The following SLC35F3 variants were observed in gnomAD, a reference collection of about 807,000 sequenced individuals.
SLC35F3 encodes putative thiamine transporter SLC35F3.
A neutral mutation model predicts 49.9 loss-of-function variants in SLC35F3; 25 were observed. That is an observed-to-expected ratio of 0.50 (90% CI 0.37 to 0.70). SLC35F3 has a LOEUF of 0.70. Ranked by LOEUF, SLC35F3 falls within the 30% of genes least tolerant of loss-of-function variation. The pLI is 0.00. For missense variants in SLC35F3, 525 were observed against 639.8 expected (o/e 0.82, Z 1.94); for synonymous variants, 275 against 265.4 (o/e 1.04, Z -0.35).
At chr1:234,024,077 C>T (rs750160413) in intron 2 of SLC35F3, among the ~76,000 whole-genome samples, 17 of 152,130 alleles carry the variant, frequency 1.1e-4, no homozygotes, top group Non-Finnish European at 2.4e-4. Context: ...AATTGATTCA[C>T]CACTTGTGAC....
intron 2 of SLC35F3, among the ~76,000 whole-genome samples, chr1:233,968,786 A>G (rs940877382): frequency 3.9e-5 from 6 of 152,084 alleles, no homozygotes; most frequent in African/African-American, 1.2e-4. Context: ...CACCCAGCCA[A>G]TAGGTAGTTT....
At position 234,009,754 on chromosome 1, in the gene SLC35F3, A is replaced by G. The variant is rs532907093; in HGVS notation, c.283+103996A>G. Among the ~76,000 whole-genome samples, 8 of 152,304 alleles carry G rather than the reference A, an allele frequency of 5.3e-5. No individual in the cohort carries two copies. The South Asian group carries it at 1.7e-3, about 32-fold the overall frequency. On this transcript the variant is annotated intron_variant, in intron 2 of 7. Transcript: ENST00000366618. ...AAAAACTGTGATGCTTTAAAAAAAAATCAGTCTTTATCACCTACAAGTGAA... is the reference window on the plus strand; with the variant it reads ...AAAAACTGTGATGCTTTAAAAAAAAGTCAGTCTTTATCACCTACAAGTGAA...
At chr1:234,188,397 C>A (rs578115430) in intron 2 of SLC35F3, among the ~76,000 whole-genome samples, 1 of 152,072 alleles carries the variant, frequency 6.6e-6, no homozygotes, top group African/African-American at 2.4e-5. Flanking sequence ...TTGGGTTGTG[C>A]GGGAGCTGGA....
intron 2 of SLC35F3, among the ~76,000 whole-genome samples, chr1:234,084,218 T>C (rs6670035): frequency 0.026 from 2,929 of 112,700 alleles, 71 homozygotes; most frequent in African/African-American, 0.086. Flanking sequence ...TGATAAGGAA[T>C]AGACACACAC....
intron 2 of SLC35F3, among the ~76,000 whole-genome samples, chr1:233,988,233 T>G (rs957636141): frequency 1.3e-5 from 2 of 152,200 alleles, no homozygotes; most frequent in Non-Finnish European, 2.9e-5. Context: ...ACTGGAAATC[T>G]TTTCTCTTGT....
chr1:234,201,760 C>T (rs917930399), intron 2 of SLC35F3, among the ~76,000 whole-genome samples: 8 of 151,968 alleles, frequency 5.3e-5, no homozygotes, highest in African/African-American at 1.7e-4. Context: ...TTTCTGCTGA[C>T]GATGTTTTTG....
chr1:234,298,841 T>C (rs1668647064), intron 3 of SLC35F3, among the ~76,000 whole-genome samples: 1 of 152,114 alleles, frequency 6.6e-6, no homozygotes, highest in Non-Finnish European at 1.5e-5. Context: ...TTGGAGAAAA[T>C]ACTTTTAAAA....
chr1:234,006,487 A>G (rs1663633047), intron 2 of SLC35F3, among the ~76,000 whole-genome samples: 1 of 152,280 alleles, frequency 6.6e-6, no homozygotes, highest in Admixed American at 6.5e-5. Flanking sequence ...AAAAATTCAT[A>G]AACACCCAAT....
chr1:234,243,248 G>A (rs944278939), intron 3 of SLC35F3, among the ~76,000 whole-genome samples: 7 of 152,052 alleles, frequency 4.6e-5, no homozygotes, highest in African/African-American at 1.2e-4. Flanking sequence ...CCAGCTACTC[G>A]GGAGGTTGAG....
chr1:234,068,823 T>TTTTA lies in SLC35F3; in HGVS notation c.284-162593_284-162592insTTAT, dbSNP rs1553302354. The stretch of plus-strand genomic sequence containing the variant: ...GAGTGACAGGATAAGATTTGAGACA[T>TTTTA]TATATATATATATATATATATATAT... On this transcript the variant is annotated intron_variant, in intron 2 of 7. Coordinates refer to ENST00000366618, the MANE Select transcript of SLC35F3 (RefSeq NM_173508.4). 1.5e-4 allele frequency among the ~76,000 whole-genome samples: 11 copies of TTTTA among 71,184 alleles called. 1 individual carries two copies. Among genetic ancestry groups the TTTTA allele is most frequent in the African/African-American group, 5.9e-4 (10 of 16,982 alleles). The allele number at this position is 71,184 out of a possible 152,430, so 46.7% of individuals were successfully genotyped here.
intron 2 of SLC35F3, among the ~76,000 whole-genome samples, chr1:233,942,386 C>G (rs1490053251): frequency 6.6e-6 from 1 of 152,070 alleles, no homozygotes; most frequent in Non-Finnish European, 1.5e-5. Flanking sequence ...GTGATATGAG[C>G]ACTTAATATG....
intron 3 of SLC35F3, among the ~76,000 whole-genome samples, chr1:234,301,954 C>T (rs183319148): frequency 2.6e-5 from 4 of 152,282 alleles, no homozygotes; most frequent in Non-Finnish European, 4.4e-5. Flanking sequence ...AAACCAAACA[C>T]CCCACATTCT....
chr1:234,114,854 A>G lies in SLC35F3; in HGVS notation c.284-116563A>G, dbSNP rs1665461060. ...GTATTTGGAAACGGGTCATCTTGAG[A>G]TGCGGCGTGCATTTGAGATGCGGCG... is the stretch of plus-strand genomic sequence containing the variant. On this transcript the variant is annotated intron_variant, in intron 2 of 7. Transcript: ENST00000366618. 2.0e-5 allele frequency among the ~76,000 whole-genome samples: 3 copies of G among 152,004 alleles called. No individual in the cohort carries two copies. In the South Asian group the frequency reaches 6.2e-4, roughly 32 times the overall value.
intron 2 of SLC35F3, among the ~76,000 whole-genome samples, chr1:234,103,139 C>T (rs765051703): frequency 8.9e-4 from 136 of 152,302 alleles, no homozygotes; most frequent in Non-Finnish European, 1.6e-3. Context: ...AAATTTGGAA[C>T]CCAGCCTTCT....
rs566617990 is a variant in SLC35F3, at chr1:234,217,947, G to A, written c.284-13470G>A. 1.2e-4 allele frequency among the ~76,000 whole-genome samples: 18 copies of A among 152,256 alleles called. No individual in the cohort carries two copies. In the South Asian group the frequency reaches 3.5e-3, roughly 30 times the overall value. ...GCTGAGGCTGGGGGGATATGAGAAA[G>A]CTTGTTGGTGCAGAGGGGAGGAGAG... On this transcript the variant is annotated intron_variant, in intron 2 of 7. Transcript: ENST00000366618.
intron 2 of SLC35F3, among the ~76,000 whole-genome samples, chr1:234,223,559 A>G (rs948006896): frequency 3.3e-5 from 5 of 152,264 alleles, no homozygotes; most frequent in African/African-American, 1.2e-4. Context: ...AGATTCAAGC[A>G]ATTCACAGGA....
chr1:234,153,534 G>A (rs1428165648), intron 2 of SLC35F3, among the ~76,000 whole-genome samples: 1 of 152,156 alleles, frequency 6.6e-6, no homozygotes, highest in Non-Finnish European at 1.5e-5. Context: ...TCATGTAGGT[G>A]GTAGTATTAG....
intron 3 of SLC35F3, 86 bp from the exon 4 acceptor site, chr1:234,309,015 T>TAAAAAAAAA: frequency 4.2e-6 from 4 of 951,492 alleles, no homozygotes; most frequent in Non-Finnish European, 6.2e-6. Context: ...TATATTTGCT[T>TAAAAAAAAA]AAAAAAAAAA....
At chr1:234,152,211 C>CATTATTATTATTGTTATT (rs747006467) in intron 2 of SLC35F3, among the ~76,000 whole-genome samples, 19 of 142,636 alleles carry the variant, frequency 1.3e-4, no homozygotes, top group African/African-American at 4.5e-4. Flanking sequence ...AATGGAGTAA[C>CATTATTATTATTGTTATT]ATTATTATTA....
Sources: gnomAD v4.1 joint callset for allele counts (sites outside exome capture counted in the v4.1 genomes callset) on GRCh38, gnomAD v4.1.1 for gene constraint, MANE v1.5 for transcripts, NCBI Gene and HGNC (gene_info 2026-07-23, HGNC 2026-07-21) for gene names.